The following RPH3A variants were observed in gnomAD, a reference collection of about 807,000 sequenced individuals.
The protein encoded by RPH3A is rabphilin-3A.
A neutral mutation model predicts 102.2 loss-of-function variants in RPH3A; 48 were observed. That is an observed-to-expected ratio of 0.47 (90% CI 0.37 to 0.60). The LOEUF (loss-of-function observed/expected upper bound fraction) is 0.60, where lower values mean the gene tolerates loss of function less well. RPH3A is among the 20% of genes least tolerant of loss of function. RPH3A has a pLI of 0.00. For synonymous variants in RPH3A, 310 were observed against 324.3 expected (o/e 0.96, Z 0.47); for missense variants, 781 against 910.1 (o/e 0.86, Z 1.83).
chr12:112,743,094 C>T (rs1387200703), intron 1 of RPH3A, among the ~76,000 whole-genome samples: 1 of 152,224 alleles, frequency 6.6e-6, no homozygotes. Flanking sequence ...TGTGATTACA[C>T]TTAAAGTTCC....
At chr12:112,863,869 G>A (rs1196980264) in intron 5 of RPH3A, among the ~76,000 whole-genome samples, 1 of 152,198 alleles carries the variant, frequency 6.6e-6, no homozygotes, top group Non-Finnish European at 1.5e-5. Flanking sequence ...GGAGTGAGCT[G>A]CTCTCGTTCA....
chr12:112,653,099 G>T (rs1181566446), intron 1 of RPH3A, among the ~76,000 whole-genome samples: 1 of 151,962 alleles, frequency 6.6e-6, no homozygotes, highest in Admixed American at 6.6e-5. Context: ...CAGTATAAAA[G>T]ATAAATACAG....
Position 112,895,880 on chromosome 12 carries a change from G to C in RPH3A, c.1954+7G>C. On this transcript the variant is annotated splice_region_variant and intron_variant, in intron 21 of 21. Coordinates refer to ENST00000389385, the MANE Select transcript of RPH3A (RefSeq NM_001143854.2). ...AAGTCCAATGATTACATCGGTGAGTGTTCCTAACTCCAGAGAAAACGCCCT... is the reference window on the plus strand; with the variant it reads ...AAGTCCAATGATTACATCGGTGAGTCTTCCTAACTCCAGAGAAAACGCCCT... 1 of 1,599,792 alleles carries C rather than the reference G, an allele frequency of 6.3e-7. No individual in the cohort carries two copies. Among genetic ancestry groups the C allele is most frequent in the Non-Finnish European group, 8.6e-7 (1 of 1,167,698 alleles).
chr12:112,654,989 G>T (rs2040000386), intron 1 of RPH3A, among the ~76,000 whole-genome samples: 1 of 152,200 alleles, frequency 6.6e-6, no homozygotes, highest in Non-Finnish European at 1.5e-5. Context: ...ATCCATCCAT[G>T]ACTTCTTATT....
Position 112,836,501 on chromosome 12 carries a change from C to A in RPH3A, c.82C>A (p.Gln28Lys), listed in dbSNP as rs1950876322. The A allele has an allele frequency of 3.8e-6, 5 of 1,324,806 alleles. No individual in the cohort carries two copies. The highest frequency in any genetic ancestry group is 1.4e-5 in the South Asian group (1 of 73,944). The allele number at this position is 1,324,806 out of a possible 1,614,324, so 82.1% of individuals were successfully genotyped here. A position where few individuals can be genotyped will look rare whatever the true frequency, so the allele number is the denominator to read the frequency against. ...TCTGCCTTCCTTCAGTGATAAAGAACAGTGAGTATTTTATAACACTTATTT... is the reference window on the plus strand; with the variant it reads ...TCTGCCTTCCTTCAGTGATAAAGAAAAGTGAGTATTTTATAACACTTATTT... ...DRPLQSNDKE[Q>K]LQAGWSVHPG... Residue 28 changes from glutamine (Q) to lysine (K), a missense_variant and splice_region_variant, in exon 4 of 22, where the codon CAG becomes AAG. Around this residue, in one of 2 missense-constraint regions of RPH3A, gnomAD observed 730 missense variants for 810.0 expected, o/e 0.90. Coordinates refer to ENST00000389385, the MANE Select transcript of RPH3A (RefSeq NM_001143854.2).
At chr12:112,819,799 A>T (rs2041745570) in intron 2 of RPH3A, among the ~76,000 whole-genome samples, 1 of 152,192 alleles carries the variant, frequency 6.6e-6, no homozygotes, top group African/African-American at 2.4e-5. Flanking sequence ...TTGCCTTATG[A>T]TTGCTCATTC....
rs926277595 is a variant in RPH3A, at chr12:112,652,346, G to A, written c.-140+77027G>A. On this transcript the variant is annotated intron_variant, in intron 1 of 21. Coordinates refer to the RPH3A transcript ENST00000543106. ...GAAAATATTAGCTGGGTGTGGTAGC[G>A]CTTACCTGTAGTCCCAGCTGTTTGG... Among the ~76,000 whole-genome samples the A allele has an allele frequency of 4.1e-4, 62 of 152,074 alleles. 1 individual carries two copies. Among genetic ancestry groups the A allele is most frequent in the African/African-American group, 1.3e-3 (55 of 41,492 alleles).
chr12:112,656,925 T>G (rs2040017335), intron 1 of RPH3A, among the ~76,000 whole-genome samples: 1 of 152,104 alleles, frequency 6.6e-6, no homozygotes, highest in South Asian at 2.1e-4. Flanking sequence ...AGTGAATGTG[T>G]CTTTTTTATA....
chr12:112,665,221 G>T (rs139635940), intron 1 of RPH3A, among the ~76,000 whole-genome samples: 129 of 152,266 alleles, frequency 8.5e-4, no homozygotes, highest in African/African-American at 3.0e-3. Flanking sequence ...AGGGAGTCCA[G>T]ACCAAGATGG....
intron 1 of RPH3A, among the ~76,000 whole-genome samples, chr12:112,746,837 G>A (rs2040750232): frequency 6.6e-6 from 1 of 151,966 alleles, no homozygotes; most frequent in African/African-American, 2.4e-5. Flanking sequence ...GTCTCTCTCT[G>A]TCTCACCTCT....
intron 1 of RPH3A, among the ~76,000 whole-genome samples, chr12:112,741,301 A>G (rs2040707622): frequency 6.6e-6 from 1 of 152,120 alleles, no homozygotes; most frequent in Non-Finnish European, 1.5e-5. Context: ...GTGCTGCCAT[A>G]TGGCTGGGGC....
intron 1 of RPH3A, among the ~76,000 whole-genome samples, chr12:112,749,149 AG>A (rs1246282754): frequency 6.6e-6 from 1 of 152,192 alleles, no homozygotes; most frequent in African/African-American, 2.4e-5. Context: ...TTCTAGAGTC[AG>A]GAGAGAGAGA....
At chr12:112,859,401 C>T (rs994554490) in intron 5 of RPH3A, among the ~76,000 whole-genome samples, 4 of 152,170 alleles carry the variant, frequency 2.6e-5, no homozygotes, top group African/African-American at 9.7e-5. Flanking sequence ...AATACATGTT[C>T]ATTTTAAGAA....
chr12:112,713,036 TCTTCTTCTTCTTCTC>T (rs1275894187), intron 1 of RPH3A, among the ~76,000 whole-genome samples: 1,205 of 85,550 alleles, frequency 0.014, 71 homozygotes, highest in African/African-American at 0.044. Context: ...TTCTTCTTCT[TCTTCTTCTTCTTCTC>T]CTTCTTCTTC....
At chr12:112,731,591 T>C (rs1044343306) in intron 1 of RPH3A, among the ~76,000 whole-genome samples, 1 of 152,232 alleles carries the variant, frequency 6.6e-6, no homozygotes. Context: ...CAATCTGCTC[T>C]GTTAAAGAGG....
chr12:112,773,418 A>T (rs1200939872), intron 1 of RPH3A, among the ~76,000 whole-genome samples: 2 of 152,056 alleles, frequency 1.3e-5, no homozygotes, highest in East Asian at 1.9e-4. Flanking sequence ...TGAAGTTTTG[A>T]TTGCTAATAC....
chr12:112,578,730 G>A (rs753059216), intron 1 of RPH3A, among the ~76,000 whole-genome samples: 2 of 152,184 alleles, frequency 1.3e-5, no homozygotes, highest in Non-Finnish European at 2.9e-5. Context: ...GAGTTGCAAA[G>A]TCAACTGCTT....
intron 2 of RPH3A, among the ~76,000 whole-genome samples, chr12:112,817,504 T>C (rs924194027): frequency 7.7e-6 from 1 of 130,002 alleles, no homozygotes; most frequent in African/African-American, 3.0e-5. Flanking sequence ...TCCCAGGGAA[T>C]TTTATACATT....
chr12:112,695,340 G>GTT (rs2040342239), intron 1 of RPH3A, among the ~76,000 whole-genome samples: 1 of 152,178 alleles, frequency 6.6e-6, no homozygotes, highest in African/African-American at 2.4e-5. Flanking sequence ...ATTTGGAAAG[G>GTT]TTAACAGTTT....
Sources: gnomAD v4.1 joint callset for allele counts (sites outside exome capture counted in the v4.1 genomes callset) on GRCh38, gnomAD v4.1.1 for gene constraint, gnomAD v4.1.1 regional missense constraint, MANE v1.5 for transcripts, NCBI Gene and HGNC (gene_info 2026-07-23, HGNC 2026-07-21) for gene names.